FBXO33: variants seen among roughly 807,000 people sequenced by gnomAD.
The protein encoded by FBXO33 is F-box protein 33, also known as F-box only protein 33.
In FBXO33, 22 loss-of-function variants were observed where a neutral mutation model predicts 46.3. The ratio of observed to expected loss-of-function variants is 0.48; its 90% CI spans 0.34 to 0.68. The LOEUF (loss-of-function observed/expected upper bound fraction) is 0.68. Ranked by LOEUF, FBXO33 falls within the 30% of genes least tolerant of loss-of-function variation. FBXO33 has a pLI of 0.01. For missense variants in FBXO33, 692 were observed against 708.8 expected (o/e 0.98, Z 0.27); for synonymous variants, 337 against 291.3 (o/e 1.16, Z -1.60).
chr14:39,414,003 G>C (rs571014586), intron 1 of FBXO33, among the ~76,000 whole-genome samples: 1 of 152,142 alleles, frequency 6.6e-6, no homozygotes, highest in East Asian at 1.9e-4. Context: ...CCTCTAACGA[G>C]AGTCAGCCTG....
Position 39,399,353 on chromosome 14 carries a change from C to A in FBXO33, c.*163G>T. ...TCACTTTGAACTTCTAAACCAATAC[C>A]CGACTACGTTCTTTGATCAAGAAGT... On this transcript the variant is annotated 3_prime_UTR_variant, in exon 4 of 4. Coordinates refer to ENST00000298097, the MANE Select transcript of FBXO33 (RefSeq NM_203301.4). 1.6e-6 allele frequency: 1 copy of A among 611,044 alleles called. No homozygotes were observed. Among genetic ancestry groups the A allele is most frequent in the Middle Eastern group, 4.8e-4 (1 of 2,076 alleles). 37.9% of individuals were successfully genotyped at this position (611,044 alleles called of 1,614,324 possible).
intron 1 of FBXO33, among the ~76,000 whole-genome samples, chr14:39,420,814 C>T (rs1595987103): frequency 1.3e-5 from 2 of 152,130 alleles, no homozygotes; most frequent in African/African-American, 4.8e-5. Flanking sequence ...AAAAATTTCA[C>T]AAGTAAAATT....
At chr14:39,403,803 CTTTTT>C (rs36096381) in intron 1 of FBXO33, among the ~76,000 whole-genome samples, 1 of 138,490 alleles carries the variant, frequency 7.2e-6, no homozygotes. Context: ...AATACCATTT[CTTTTT>C]TTTTTTTTTT....
At chr14:39,407,785 A>G (rs1480982829) in intron 1 of FBXO33, among the ~76,000 whole-genome samples, 1 of 152,142 alleles carries the variant, frequency 6.6e-6, no homozygotes, top group Non-Finnish European at 1.5e-5. Context: ...TGAGATCCTG[A>G]TTACACTCTT....
chr14:39,408,729 G>C (rs2075409778), intron 1 of FBXO33, among the ~76,000 whole-genome samples: 3 of 149,294 alleles, frequency 2.0e-5, no homozygotes. Flanking sequence ...GGCTGGTCTT[G>C]AACTCCTGAC....
chr14:39,399,966 G>T (rs1249872128), intron 3 of FBXO33, among the ~76,000 whole-genome samples, 179 bp from the exon 4 acceptor site: 2 of 151,794 alleles, frequency 1.3e-5, no homozygotes, highest in Non-Finnish European at 2.9e-5. Context: ...TGGTTGTATA[G>T]CCCAGAAAAA....
At chr14:39,424,028 C>T (rs931535836) in intron 1 of FBXO33, among the ~76,000 whole-genome samples, 1 of 152,138 alleles carries the variant, frequency 6.6e-6, no homozygotes, top group Admixed American at 6.5e-5. Flanking sequence ...TGTTTAGCTC[C>T]CACTTATAAG....
rs771894272 is a variant in FBXO33 at position 39,399,781 on chromosome 14, G to A, written c.1403C>T (p.Thr468Met). 3 of 1,562,038 alleles carry A rather than the reference G, an allele frequency of 1.9e-6. No individual in the cohort carries two copies. The highest frequency in any genetic ancestry group is 2.6e-6 in the Non-Finnish European group (3 of 1,148,122). Residue 468 changes from threonine to methionine, a missense_variant, in exon 4 of 4, where the codon ACG becomes ATG. Physicochemically the swap from Thr to Met is moderately conservative, Grantham distance 81 (BLOSUM62 -1). Transcript: ENST00000298097. ...GGCAATGAGGTTGTGTGCCCACACCGTGTAACCTGAAAAATAAACAAAAGA... is the reference window on the plus strand; with the variant it reads ...GGCAATGAGGTTGTGTGCCCACACCATGTAACCTGAAAAATAAACAAAAGA... ...KLSLLAIHGYTVWAHNLIAIA... is the reference protein window; with the variant it reads ...KLSLLAIHGYMVWAHNLIAIA...
intron 1 of FBXO33, among the ~76,000 whole-genome samples, chr14:39,431,044 C>T (rs1473178215): frequency 6.6e-6 from 1 of 152,182 alleles, no homozygotes; most frequent in African/African-American, 2.4e-5. Flanking sequence ...TCCTCCTCTT[C>T]GGGCCTTGTT....
intron 1 of FBXO33, among the ~76,000 whole-genome samples, chr14:39,410,278 T>G (rs1309778453): frequency 1.3e-5 from 2 of 152,256 alleles, no homozygotes; most frequent in Non-Finnish European, 2.9e-5. Flanking sequence ...ATGCTTTTTC[T>G]GCATCTATTG....
chr14:39,413,918 A>C (rs1217621442), intron 1 of FBXO33, among the ~76,000 whole-genome samples: 1 of 152,214 alleles, frequency 6.6e-6, no homozygotes, highest in Non-Finnish European at 1.5e-5. Flanking sequence ...GATTTAGCAT[A>C]ATTCTTAAGG....
chr14:39,402,412 T>G lies in FBXO33; in HGVS notation c.699A>C (p.Lys233Asn). The change falls in exon 2 of 4, where the codon AAA becomes AAC. Residue 233 changes from lysine to asparagine, a missense_variant. Coordinates refer to ENST00000298097, the MANE Select transcript of FBXO33 (RefSeq NM_203301.4). ...ACCATATAACTTACTGTTTAATTTT[T>G]TTGCCATCAGGGTCCACCTTGCTGA... ...TYLSKVDPDG[K>N]KIKQIQQLFE... 6.4e-7 allele frequency: 1 copy of G among 1,565,572 alleles called. No homozygotes were observed. Among genetic ancestry groups the G allele is most frequent in the Non-Finnish European group, 8.7e-7 (1 of 1,154,520 alleles).
chr14:39,405,128 C>CA (rs55890131), intron 1 of FBXO33, among the ~76,000 whole-genome samples: 3,842 of 114,276 alleles, frequency 0.034, 195 homozygotes, highest in African/African-American at 0.11. Context: ...GATTCTGTCT[C>CA]AAAAAAAAAA....
rs771832872 is a variant in FBXO33 at position 39,431,926 on chromosome 14, G to A, written c.237C>T (p.Ile79=). ...GGTCGGGCGCCGGCAGAAAAGAGAA[G>A]ATGTGCACGATCAGCTCGCTGGGCA... ...ASLPSELIVH[I]FSFLPAPDRL... The change falls in exon 1 of 4, where the codon ATC becomes ATT. Residue 79 remains isoleucine, a synonymous_variant. Coordinates refer to ENST00000298097, the MANE Select transcript of FBXO33 (RefSeq NM_203301.4). 52 of 1,536,446 alleles carry A rather than the reference G, an allele frequency of 3.4e-5. 1 individual carries two copies. The highest frequency in any genetic ancestry group is 2.6e-4 in the South Asian group (22 of 84,308).
At position 39,399,602 on chromosome 14, in the gene FBXO33, C is replaced by G; in HGVS notation, c.1582G>C (p.Val528Leu). The G allele has an allele frequency of 1.2e-6, 2 of 1,613,840 alleles. No homozygotes were observed. The highest frequency in any genetic ancestry group is 4.5e-5 in the East Asian group (2 of 44,880). Residue 528 changes from valine (V) to leucine (L), a missense_variant, in exon 4 of 4, where the codon GTC becomes CTC. By Grantham distance (32) the Val-to-Leu change is conservative (BLOSUM62 1). Coordinates refer to ENST00000298097, the MANE Select transcript of FBXO33 (RefSeq NM_203301.4). ...SLGLGQPWHA[V>L]MDIESLSVFT... is the part of the protein sequence containing the mutation. ...ACACTGAGTGATTCGATGTCCATGA[C>G]TGCATGCCAAGGTTGACCCAGGCCC... is the stretch of plus-strand genomic sequence containing the variant.
chr14:39,422,177 G>A (rs1241228142), intron 1 of FBXO33, among the ~76,000 whole-genome samples: 1 of 152,232 alleles, frequency 6.6e-6, no homozygotes, highest in African/African-American at 2.4e-5. Flanking sequence ...AGAAGTGCTT[G>A]AAGCTGGGAG....
intron 1 of FBXO33, among the ~76,000 whole-genome samples, chr14:39,411,518 T>A (rs570977551): frequency 3.7e-4 from 54 of 144,872 alleles, no homozygotes; most frequent in African/African-American, 1.2e-3. Context: ...ATTATTTGAC[T>A]TCCCCCCCCT....
In FBXO33 at chr14:39,432,207, G is replaced by A; in HGVS notation, c.-45C>T. 2.5e-6 allele frequency: 3 copies of A among 1,192,460 alleles called. No homozygotes were observed. Among genetic ancestry groups the A allele is most frequent in the Non-Finnish European group, 3.1e-6 (3 of 960,338 alleles). The allele number at this position is 1,192,460 out of a possible 1,614,324, so 73.9% of individuals were successfully genotyped here. A position where few individuals can be genotyped will look rare whatever the true frequency, so the allele number is the denominator to read the frequency against. On this transcript the variant is annotated 5_prime_UTR_variant, in exon 1 of 4. Transcript: ENST00000298097. Reference sequence around the variant, plus strand: ...GGCGGAACCGTCGTGGGTCTCGGCGGAACCAAGTAGAACACAAGTTGTGGA... The same window carrying A: ...GGCGGAACCGTCGTGGGTCTCGGCGAAACCAAGTAGAACACAAGTTGTGGA...
Position 39,401,798 on chromosome 14 carries a change from C to G in FBXO33, c.774G>C (p.Gly258=). 6.2e-7 allele frequency: 1 copy of G among 1,614,158 alleles called. No homozygotes were observed. The highest frequency in any genetic ancestry group is 8.5e-7 in the Non-Finnish European group (1 of 1,180,016). ...NSRQLKWLSC[G]FMLEIVTPTS... is the part of the protein sequence containing the mutation. ...TTGGGGTTACTATTTCCAGCATAAACCCACAGGACAGCCATTTCAGTTGCC... is the reference window on the plus strand; with the variant it reads ...TTGGGGTTACTATTTCCAGCATAAAGCCACAGGACAGCCATTTCAGTTGCC... Residue 258 remains glycine (G), a synonymous_variant, in exon 3 of 4, where the codon GGG becomes GGC. Coordinates refer to ENST00000298097, the MANE Select transcript of FBXO33 (RefSeq NM_203301.4).
Sources: allele counts gnomAD v4.1 joint callset (sites outside exome capture counted in the v4.1 genomes callset), GRCh38; gene constraint gnomAD v4.1.1; transcripts MANE v1.5; gene names NCBI Gene and HGNC (gene_info 2026-07-23, HGNC 2026-07-21).